ATP1B2: variants seen among roughly 807,000 people sequenced by gnomAD.
ATP1B2 encodes sodium/potassium-transporting ATPase subunit beta-2.
Under a neutral mutation model 37.3 loss-of-function variants are expected in ATP1B2, and 12 were observed. That is an observed-to-expected ratio of 0.32 (90% confidence interval 0.21 to 0.52). The LOEUF (loss-of-function observed/expected upper bound fraction) is 0.52. ATP1B2 is among the 20% of genes least tolerant of loss of function. The pLI is 0.96. For synonymous variants in ATP1B2, 139 were observed against 140.5 expected, an observed-to-expected ratio of 0.99 and a Z score of 0.07; for missense variants, 324 against 391.6, an observed-to-expected ratio of 0.83 and a Z score of 1.46.
Position 7,651,234 on chromosome 17 carries a change from A to C in ATP1B2, c.-285A>C. 2 of 410,972 alleles carry C rather than the reference A, an allele frequency of 4.9e-6. No individual in the cohort carries two copies. The highest frequency in any genetic ancestry group is 2.3e-5 in the South Asian group (1 of 44,036). 25.5% of individuals were successfully genotyped at this position (410,972 alleles called of 1,614,324 possible). ...ACGGTTTGGTGGGGGGTGAAGCTGC[A>C]TTCATACCCCTTCCTCTTGTTATTC... is the stretch of plus-strand genomic sequence containing the variant. On this transcript the variant is annotated 5_prime_UTR_variant, in exon 1 of 7. Transcript: ENST00000250111.
In ATP1B2 at chr17:7,655,897, G is replaced by A. The variant is rs925393522; in HGVS notation, c.*2G>A. On this transcript the variant is annotated 3_prime_UTR_variant, in exon 7 of 7. Coordinates refer to ENST00000250111, the MANE Select transcript of ATP1B2 (RefSeq NM_001678.5). The surrounding 1 kb of genome is among the most constrained non-coding windows in gnomAD (Gnocchi z 4.4). ...AAACTCCGCATCAACAAAACCTGAG[G>A]CCCCTTCCTCCCACCCCATCTCTCT... 6.2e-7 allele frequency: 1 copy of A among 1,613,824 alleles called. No homozygotes were observed. The highest frequency in any genetic ancestry group is 1.3e-5 in the African/African-American group (1 of 75,018).
At chr17:7,653,996 G>A (rs141427807) in intron 3 of ATP1B2, 51 bp downstream of exon 3, 1 of 1,612,796 alleles carries the variant, frequency 6.2e-7, no homozygotes, top group East Asian at 2.2e-5. Context: ...GCAGGGGACT[G>A]GGGACCTTGG....
At position 7,653,939 on chromosome 17, in the gene ATP1B2, T is replaced by C. The variant is rs2072631466; in HGVS notation, c.340T>C (p.Leu114=). The stretch of plus-strand genomic sequence containing the variant: ...GCATGTTCAGAAGCTCAACAAGTTC[T>C]TGGAGCGTGAGTGTGGGCCTGGTTA... ...DQHVQKLNKF[L]EPYNDSIQAQ... Residue 114 remains leucine (L), a synonymous_variant, in exon 3 of 7, where the codon TTG becomes CTG. Transcript: ENST00000250111. The C allele has an allele frequency of 1.2e-6, 2 of 1,614,194 alleles. No homozygotes were observed. Among genetic ancestry groups the C allele is most frequent in the Non-Finnish European group, 1.7e-6 (2 of 1,180,022 alleles).
upstream of ATP1B2, among the ~76,000 whole-genome samples, chr17:7,648,481 C>T (rs1008600344): frequency 1.2e-4 from 17 of 144,332 alleles, no homozygotes; most frequent in African/African-American, 2.1e-4. Flanking sequence ...AGGGAGGAAC[C>T]GCTTGAACCC....
intron 1 of ATP1B2, among the ~76,000 whole-genome samples, 162 bp downstream of exon 1, chr17:7,651,792 T>A (rs1311402326): frequency 6.6e-6 from 1 of 151,844 alleles, no homozygotes; most frequent in Non-Finnish European, 1.5e-5. Flanking sequence ...CAGTCTAATC[T>A]CCCCGGCTGG....
At chr17:7,649,801 A>G (rs1048738640), upstream of ATP1B2, among the ~76,000 whole-genome samples, 7 of 151,204 alleles carry the variant, frequency 4.6e-5, no homozygotes, top group Non-Finnish European at 1.0e-4. Context: ...CTCGTGATCC[A>G]CCCACCTCGG....
rs367944524 is a variant in ATP1B2 at position 7,654,692 on chromosome 17, C to T, written c.609+8C>T. 2.8e-5 allele frequency: 46 copies of T among 1,614,084 alleles called. No individual in the cohort carries two copies. The African/African-American group carries it at 4.5e-4, about 16-fold the overall frequency. On this transcript the variant is annotated splice_region_variant and intron_variant, in intron 5 of 6. Transcript: ENST00000250111. This position sits in a 1 kb window ranked among gnomAD's most constrained non-coding sequence, Gnocchi z 4.9. Reference sequence around the variant, plus strand: ...GTTACCTGTGCTGGGAAGGTGAGTTCGTTGGGCCTTGTCTGCCTGCTCACC... The same window carrying T: ...GTTACCTGTGCTGGGAAGGTGAGTTTGTTGGGCCTTGTCTGCCTGCTCACC...
At position 7,654,599 on chromosome 17, in the gene ATP1B2, A is replaced by G; in HGVS notation, c.553-29A>G. The stretch of plus-strand genomic sequence containing the variant: ...CCATCTTCGACAACTTCTTCCTCTG[A>G]CTCTCTTCACCTTCCACCCTCACTC... On this transcript the variant is annotated intron_variant, in intron 4 of 6. Transcript: ENST00000250111. The surrounding 1 kb of genome is among the most constrained non-coding windows in gnomAD (Gnocchi z 4.9). The G allele has an allele frequency of 6.2e-7, 1 of 1,612,136 alleles. No homozygotes were observed. Among genetic ancestry groups the G allele is most frequent in the Non-Finnish European group, 8.5e-7 (1 of 1,178,618 alleles).
chr17:7,648,768 C>T (rs1443070829), upstream of ATP1B2, among the ~76,000 whole-genome samples: 2 of 152,014 alleles, frequency 1.3e-5, no homozygotes, highest in Non-Finnish European at 2.9e-5. Context: ...AATTAGGCCA[C>T]TCCTCAGCTG....
chr17:7,653,235 G>C, intron 1 of ATP1B2, 139 bp from the exon 2 acceptor site: 1 of 1,309,988 alleles, frequency 7.6e-7, no homozygotes, highest in African/African-American at 1.5e-5. Flanking sequence ...TTTGCCTCCA[G>C]AGGAAGGCTC....
rs2150978302 is a variant in ATP1B2 at position 7,654,325 on chromosome 17, C to T, written c.552+68C>T. The stretch of plus-strand genomic sequence containing the variant: ...TGGGGACACCACCTGCAGACAATTG[C>T]ATCCTTTCACTGGGGCTAATGGGCA... On this transcript the variant is annotated intron_variant, in intron 4 of 6. Coordinates refer to ENST00000250111, the MANE Select transcript of ATP1B2 (RefSeq NM_001678.5). This position sits in a 1 kb window ranked among gnomAD's most constrained non-coding sequence, Gnocchi z 4.9. The T allele has an allele frequency of 6.5e-7, 1 of 1,529,230 alleles. No individual in the cohort carries two copies. Among genetic ancestry groups the T allele is most frequent in the East Asian group, 2.3e-5 (1 of 44,392 alleles). The allele number at this position is 1,529,230 out of a possible 1,614,324, so 94.7% of individuals were successfully genotyped here.
upstream of ATP1B2, among the ~76,000 whole-genome samples, chr17:7,647,179 G>T (rs184794886): frequency 3.3e-4 from 50 of 151,892 alleles, no homozygotes; most frequent in Non-Finnish European, 5.9e-4. Context: ...GCAGAACTTG[G>T]CTATGAACGT....
chr17:7,651,449 T>A lies in ATP1B2; in HGVS notation c.-70T>A. 1 of 1,402,540 alleles carries A rather than the reference T, an allele frequency of 7.1e-7. No individual in the cohort carries two copies. The highest frequency in any genetic ancestry group is 9.8e-7 in the Non-Finnish European group (1 of 1,016,638). The allele number at this position is 1,402,540 out of a possible 1,614,324, so 86.9% of individuals were successfully genotyped here. The stretch of plus-strand genomic sequence containing the variant: ...CCGTGCTTTTGGGTGTGTGGAGGGC[T>A]TCAGCGCGCGGCGCCCCCGCTTCTC... On this transcript the variant is annotated 5_prime_UTR_variant, in exon 1 of 7. Transcript: ENST00000250111.
upstream of ATP1B2, among the ~76,000 whole-genome samples, chr17:7,648,836 A>T (rs2072590970): frequency 6.6e-6 from 1 of 152,032 alleles, no homozygotes; most frequent in South Asian, 2.1e-4. Flanking sequence ...TCTTCAGTCT[A>T]ACCTGCAGGG....
upstream of ATP1B2, among the ~76,000 whole-genome samples, chr17:7,647,827 A>G (rs993392629): frequency 8.4e-5 from 1 of 11,946 alleles, no homozygotes; most frequent in African/African-American, 1.1e-4. Context: ...TCAAAAAAAG[A>G]AAAAAAAAAC....
chr17:7,651,254 T>G lies in ATP1B2; in HGVS notation c.-265T>G. ...GCTGCATTCATACCCCTTCCTCTTG[T>G]TATTCTCCCCTGCTCTGACAGCACC... On this transcript the variant is annotated 5_prime_UTR_variant, in exon 1 of 7. Coordinates refer to ENST00000250111, the MANE Select transcript of ATP1B2 (RefSeq NM_001678.5). 2.1e-6 allele frequency: 1 copy of G among 471,732 alleles called. No individual in the cohort carries two copies. Among genetic ancestry groups the G allele is most frequent in the Non-Finnish European group, 3.9e-6 (1 of 258,010 alleles). The allele number at this position is 471,732 out of a possible 1,614,324, so 29.2% of individuals were successfully genotyped here.
Position 7,651,535 on chromosome 17 carries a change from A to C in ATP1B2, c.17A>C (p.Glu6Ala). Residue 6 changes from glutamate to alanine, a missense_variant, in exon 1 of 7, where the codon GAG becomes GCG. Coordinates refer to ENST00000250111, the MANE Select transcript of ATP1B2 (RefSeq NM_001678.5). MVIQK[E>A]KKSCGQVVEE... ...GCCACCAAGATGGTCATCCAGAAAG[A>C]GAAGAAGAGCTGCGGGCAGGTGGTT... 1 of 1,603,078 alleles carries C rather than the reference A, an allele frequency of 6.2e-7. No homozygotes were observed. The highest frequency in any genetic ancestry group is 8.5e-7 in the Non-Finnish European group (1 of 1,175,082).
Position 7,654,334 on chromosome 17 carries a change from A to G in ATP1B2, c.552+77A>G, listed in dbSNP as rs1169547770. ...CACCTGCAGACAATTGCATCCTTTCACTGGGGCTAATGGGCATGAGAAAGA... is the reference window on the plus strand; with the variant it reads ...CACCTGCAGACAATTGCATCCTTTCGCTGGGGCTAATGGGCATGAGAAAGA... On this transcript the variant is annotated intron_variant, in intron 4 of 6. Transcript: ENST00000250111. The surrounding 1 kb of genome is among the most constrained non-coding windows in gnomAD (Gnocchi z 4.9). The G allele has an allele frequency of 4.7e-6, 7 of 1,501,516 alleles. No homozygotes were observed. The East Asian group carries it at 1.4e-4, about 29-fold the overall frequency. The allele number at this position is 1,501,516 out of a possible 1,614,324, so 93.0% of individuals were successfully genotyped here. A position where few individuals can be genotyped will look rare whatever the true frequency, so the allele number is the denominator to read the frequency against.
At position 7,654,872 on chromosome 17, in the gene ATP1B2, T is replaced by C; in HGVS notation, c.609+188T>C. The C allele has an allele frequency of 1.6e-6, 1 of 608,588 alleles. No homozygotes were observed. Among genetic ancestry groups the C allele is most frequent in the Non-Finnish European group, 2.9e-6 (1 of 347,080 alleles). The allele number at this position is 608,588 out of a possible 1,614,324, so 37.7% of individuals were successfully genotyped here. On this transcript the variant is annotated intron_variant, in intron 5 of 6. Transcript: ENST00000250111. This position sits in a 1 kb window ranked among gnomAD's most constrained non-coding sequence, Gnocchi z 4.9. ...AGCTTGAACTCCGAGGGCCCCGCAC[T>C]CCTCTTGCTTCTCTCTGGGATGCAG... is the stretch of plus-strand genomic sequence containing the variant.
Sources: gnomAD v4.1 joint callset for allele counts (sites outside exome capture counted in the v4.1 genomes callset) on GRCh38, gnomAD v4.1.1 for gene constraint, Gnocchi (gnomAD v3.1) non-coding constraint, MANE v1.5 for transcripts, NCBI Gene and HGNC (gene_info 2026-07-23, HGNC 2026-07-21) for gene names.